Variants in DGKB observed in about 807,000 individuals in gnomAD.
DGKB encodes diacylglycerol kinase beta.
In DGKB, 67 loss-of-function variants were observed where a neutral mutation model predicts 114.3. The observed-to-expected ratio is 0.59, with a 90% CI of 0.48 to 0.72. DGKB has a LOEUF of 0.72. DGKB is among the 30% of genes least tolerant of loss of function. The pLI is 0.00. For synonymous variants in DGKB, 398 were observed against 323.1 expected, an observed-to-expected ratio of 1.23 and a Z score of -2.49; for missense variants, 907 against 975.2, an observed-to-expected ratio of 0.93 and a Z score of 0.93.
intron 6 of DGKB, among the ~76,000 whole-genome samples, chr7:14,718,238 CA>C (rs1385703398): frequency 2.6e-5 from 4 of 152,068 alleles, no homozygotes; most frequent in Admixed American, 1.3e-4. Context: ...GAAAACAACA[CA>C]AAGGCTATTT....
At chr7:14,811,766 T>G (rs1424197075) in intron 2 of DGKB, among the ~76,000 whole-genome samples, 2 of 151,964 alleles carry the variant, frequency 1.3e-5, no homozygotes, top group Non-Finnish European at 2.9e-5. Context: ...GGTAAGTAAA[T>G]ATATATATGT....
In DGKB at chr7:14,953,633, T is replaced by G. The variant is rs181472219; in HGVS notation, c.-188+21063A>C. ...CAGTGCAGCCACACTGGAAAACATT[T>G]TGGCAGATCCTCAGAGTTAAACCTT... On this transcript the variant is annotated intron_variant, in intron 1 of 4. Transcript: ENST00000437998. Among the ~76,000 whole-genome samples the G allele has an allele frequency of 9.2e-5, 14 of 152,236 alleles. No individual in the cohort carries two copies. In the East Asian group the frequency reaches 2.5e-3, roughly 27 times the overall value.
chr7:14,886,858 C>A (rs1002894021), intron 1 of DGKB, among the ~76,000 whole-genome samples: 8 of 151,844 alleles, frequency 5.3e-5, no homozygotes, highest in Non-Finnish European at 1.0e-4. Flanking sequence ...GATAAAACAG[C>A]CTTGCGCCAT....
At chr7:14,647,387 T>A (rs1813266385) in intron 13 of DGKB, among the ~76,000 whole-genome samples, 1 of 152,174 alleles carries the variant, frequency 6.6e-6, no homozygotes, top group Non-Finnish European at 1.5e-5. Flanking sequence ...GTTTTACTGC[T>A]GAATTCAACC....
chr7:14,271,107 C>A (rs1407446930), intron 23 of DGKB, among the ~76,000 whole-genome samples: 1 of 152,092 alleles, frequency 6.6e-6, no homozygotes, highest in Admixed American at 6.5e-5. Context: ...TAACAGAAAT[C>A]GTTTACAGGG....
intron 23 of DGKB, among the ~76,000 whole-genome samples, chr7:14,297,228 CA>C (rs1398316432): frequency 8.5e-5 from 13 of 152,068 alleles, no homozygotes; most frequent in African/African-American, 3.1e-4. Context: ...ATCCTGATAC[CA>C]AAACCTGGCA....
At chr7:14,583,270 C>T (rs577955793) in intron 17 of DGKB, 133 bp from the exon 18 acceptor site, 165 of 531,434 alleles carry the variant, frequency 3.1e-4, no homozygotes, top group African/African-American at 3.0e-3. Context: ...TCAGTGATAA[C>T]TTACATATCC....
At chr7:14,428,337 C>G (rs1466787156) in intron 21 of DGKB, among the ~76,000 whole-genome samples, 1 of 151,880 alleles carries the variant, frequency 6.6e-6, no homozygotes, top group African/African-American at 2.4e-5. Flanking sequence ...TTATATTTAC[C>G]TTTAACATCT....
At chr7:14,378,378 G>C (rs1818834188) in intron 21 of DGKB, among the ~76,000 whole-genome samples, 1 of 152,134 alleles carries the variant, frequency 6.6e-6, no homozygotes, top group Non-Finnish European at 1.5e-5. Flanking sequence ...TTCATTTTTA[G>C]TTTGAAAAGT....
At chr7:14,760,515 T>C (rs1835530781) in intron 2 of DGKB, among the ~76,000 whole-genome samples, 1 of 152,140 alleles carries the variant, frequency 6.6e-6, no homozygotes, top group Non-Finnish European at 1.5e-5. Context: ...TTCTTCTTTG[T>C]GGGTAATAAG....
In DGKB at chr7:14,891,721, TA is replaced by T. The variant is rs578135808; in HGVS notation, c.-188+10870del. On this transcript the variant is annotated intron_variant, in intron 1 of 25. Coordinates refer to ENST00000402815, the MANE Select transcript of DGKB (RefSeq NM_001350709.2). ...AATGCCTCAATGCTAGTACCCAAAA[TA>T]AAAATAAATGACACAAAGAAGAAGT... 2.6e-5 allele frequency among the ~76,000 whole-genome samples: 4 copies of T among 151,468 alleles called. No individual in the cohort carries two copies. In the South Asian group the frequency reaches 8.3e-4, roughly 31 times the overall value.
intron 20 of DGKB, among the ~76,000 whole-genome samples, chr7:14,482,334 G>A (rs1321647839): frequency 6.6e-6 from 1 of 151,810 alleles, no homozygotes; most frequent in Admixed American, 6.6e-5. Flanking sequence ...TAAATAAATT[G>A]CATAATCTTT....
chr7:14,268,915 T>G (rs996560933), intron 23 of DGKB: 1 of 152,234 alleles, frequency 6.6e-6, no homozygotes, highest in Non-Finnish European at 1.5e-5. Flanking sequence ...GTTTAGCAGC[T>G]CAAAACAACA....
chr7:14,227,219 T>G (rs1179570849), intron 23 of DGKB, among the ~76,000 whole-genome samples: 1 of 152,094 alleles, frequency 6.6e-6, no homozygotes. Context: ...GATGAACTTT[T>G]GTTCAAAAAA....
rs368137979 is a variant in DGKB at position 14,149,097 on chromosome 7, C to G, written c.*34G>C. 1 of 1,565,128 alleles carries G rather than the reference C, an allele frequency of 6.4e-7. No homozygotes were observed. The highest frequency in any genetic ancestry group is 8.8e-7 in the Non-Finnish European group (1 of 1,135,772). ...ATATGTGTTCCATGGCCCAATTATG[C>G]TAATTCAATTTCTAAGAGTGAAACA... On this transcript the variant is annotated 3_prime_UTR_variant, in exon 26 of 26. Coordinates refer to ENST00000402815, the MANE Select transcript of DGKB (RefSeq NM_001350709.2).
intron 2 of DGKB, among the ~76,000 whole-genome samples, chr7:14,793,001 G>C (rs1222491648): frequency 6.6e-6 from 1 of 152,040 alleles, no homozygotes; most frequent in Non-Finnish European, 1.5e-5. Context: ...GGTATGTGAA[G>C]ATATACACAG....
chr7:14,796,668 T>C (rs1841451709), intron 2 of DGKB, among the ~76,000 whole-genome samples: 1 of 148,806 alleles, frequency 6.7e-6, no homozygotes, highest in South Asian at 2.1e-4. Context: ...GATATTTTAC[T>C]TGTAAACTTT....
At chr7:14,227,540 T>C (rs1262567829) in intron 23 of DGKB, among the ~76,000 whole-genome samples, 1 of 152,022 alleles carries the variant, frequency 6.6e-6, no homozygotes, top group Non-Finnish European at 1.5e-5. Flanking sequence ...ATTTTATATA[T>C]GGTATAACTA....
chr7:14,279,769 G>A (rs1799635760), intron 23 of DGKB, among the ~76,000 whole-genome samples: 1 of 149,764 alleles, frequency 6.7e-6, no homozygotes, highest in Non-Finnish European at 1.5e-5. Flanking sequence ...CACACTGCAG[G>A]GTACTCCAAC....
Sources: allele counts gnomAD v4.1 joint callset (sites outside exome capture counted in the v4.1 genomes callset), GRCh38; gene constraint gnomAD v4.1.1; transcripts MANE v1.5; gene names NCBI Gene and HGNC (gene_info 2026-07-23, HGNC 2026-07-21).